The following LOC112694756 variants were observed in gnomAD, a reference collection of about 807,000 sequenced individuals.
chr16:30,065,590 T>A, the LOC112694756 span: 1 of 152,068 alleles, frequency 6.6e-6, no homozygotes, highest in Non-Finnish European at 1.5e-5. Context: ...GGAGGGATCG[T>A]GTTCTCGGCG....
At chr16:30,068,143 C>T in the LOC112694756 span, 8 of 259,176 alleles carry the variant, frequency 3.1e-5, no homozygotes, top group East Asian at 7.2e-4. Flanking sequence ...TGGCTCACTG[C>T]AAGTTCCGCC....
chr16:30,064,095 C>A, the LOC112694756 span: 1 of 399,528 alleles, frequency 2.5e-6, no homozygotes, highest in Admixed American at 4.4e-5. Context: ...CTTCCCTTCC[C>A]CTCCACACGT....
At chr16:30,068,496 A>G in the LOC112694756 span, 1 of 849,110 alleles carries the variant, frequency 1.2e-6, no homozygotes, top group Non-Finnish European at 2.0e-6. Context: ...CCAGCTACCT[A>G]GGAGGCTGAG....
the LOC112694756 span, chr16:30,070,012 T>A: frequency 6.2e-7 from 1 of 1,613,188 alleles, no homozygotes; most frequent in Non-Finnish European, 8.5e-7. Flanking sequence ...GCAGGAGGAG[T>A]ATGTCAAGCG....
chr16:30,068,466 A>G, the LOC112694756 span: 1 of 705,592 alleles, frequency 1.4e-6, no homozygotes, highest in Admixed American at 2.0e-5. Flanking sequence ...GGGGCTAAAG[A>G]AGAGGAAAGA....
At chr16:30,067,695 ATGGAAG>A in the LOC112694756 span, 1 of 1,612,460 alleles carries the variant, frequency 6.2e-7, no homozygotes, top group Non-Finnish European at 8.5e-7. Context: ...GAGGTTTGAG[ATGGAAG>A]TGGAGGAAGG....
At chr16:30,068,744 AG>A in the LOC112694756 span, 1 of 1,614,084 alleles carries the variant, frequency 6.2e-7, no homozygotes, top group Non-Finnish European at 8.5e-7. Context: ...CAACCAGAGC[AG>A]GTTTGGGTGC....
At chr16:30,066,216 C>T in the LOC112694756 span, 1 of 152,336 alleles carries the variant, frequency 6.6e-6, no homozygotes, top group Non-Finnish European at 1.5e-5. Context: ...CCCCTTAGCC[C>T]TGGCGGGGAT....
At chr16:30,067,092 C>T in the LOC112694756 span, 1 of 1,569,160 alleles carries the variant, frequency 6.4e-7, no homozygotes, top group Non-Finnish European at 8.6e-7. Flanking sequence ...AGCTGGGGAC[C>T]AGAAGTGCCC....
chr16:30,069,171 C>T, the LOC112694756 span: 1 of 1,332,138 alleles, frequency 7.5e-7, no homozygotes, highest in Middle Eastern at 1.9e-4. Context: ...CGGCTCTTGT[C>T]TCCTGTAATC....
chr16:30,066,776 A>T, the LOC112694756 span: 2 of 1,282,920 alleles, frequency 1.6e-6, no homozygotes, highest in Non-Finnish European at 2.1e-6. Flanking sequence ...GTGTGGCTTG[A>T]AGCACAGACC....
chr16:30,055,046 C>T, the LOC112694756 span: 1 of 398,592 alleles, frequency 2.5e-6, no homozygotes, highest in Non-Finnish European at 4.4e-6. Context: ...TGCATCTATC[C>T]GTTTTGTGGT....
chr16:30,068,249 A>G, the LOC112694756 span: 1 of 329,384 alleles, frequency 3.0e-6, no homozygotes, highest in Non-Finnish European at 5.9e-6. Context: ...TATTTTTAGT[A>G]GACACTGGGT....
the LOC112694756 span, chr16:30,070,097 C>A: frequency 6.2e-7 from 1 of 1,613,806 alleles, no homozygotes; most frequent in Non-Finnish European, 8.5e-7. Flanking sequence ...CCTTCTCACT[C>A]CACCCCTCTC....
the LOC112694756 span, chr16:30,063,969 TG>T: frequency 2.5e-6 from 1 of 398,920 alleles, no homozygotes; most frequent in Non-Finnish European, 4.4e-6. Context: ...GCCTGGGAAC[TG>T]GAAGTGGCAG....
At chr16:30,055,859 G>A in the LOC112694756 span, among the ~76,000 whole-genome samples, 1 of 152,078 alleles carries the variant, frequency 6.6e-6, no homozygotes, top group African/African-American at 2.4e-5. Context: ...GAGTGCAGTG[G>A]TGCGATCTAG....
At chr16:30,057,963 GC>G in the LOC112694756 span, among the ~76,000 whole-genome samples, 1 of 151,836 alleles carries the variant, frequency 6.6e-6, no homozygotes, top group Non-Finnish European at 1.5e-5. Context: ...AAAACCTCTT[GC>G]CTTAGAGGAG....
At chr16:30,063,794 C>T in the LOC112694756 span, 28 of 399,374 alleles carry the variant, frequency 7.0e-5, no homozygotes, top group Admixed American at 1.3e-4. Context: ...GCCAGCTCCC[C>T]GACTGCCAGA....
the LOC112694756 span, chr16:30,069,778 A>C: frequency 1.2e-6 from 2 of 1,613,106 alleles, no homozygotes; most frequent in Non-Finnish European, 1.7e-6. Flanking sequence ...AGCTCCTGCC[A>C]GCTTCCTGGG....
Sources: gnomAD v4.1 joint callset for allele counts (sites outside exome capture counted in the v4.1 genomes callset) on GRCh38, gnomAD v4.1.1 for gene constraint, MANE v1.5 for transcripts.